The following MAT1A variants were observed in gnomAD, a reference collection of about 807,000 sequenced individuals.
The protein encoded by MAT1A is methionine adenosyltransferase 1A, also known as S-adenosylmethionine synthase isoform type-1.
Under a neutral mutation model 44.0 loss-of-function variants are expected in MAT1A, and 19 were observed. The observed-to-expected ratio is 0.43, with a 90% CI of 0.30 to 0.63. The LOEUF (loss-of-function observed/expected upper bound fraction) is 0.63. Ranked by LOEUF, MAT1A falls within the 30% of genes least tolerant of loss-of-function variation. The pLI is 0.12. For synonymous variants in MAT1A, 205 were observed against 205.6 expected (o/e 1.00, Z 0.03); for missense variants, 397 against 531.0 (o/e 0.75, Z 2.48).
In MAT1A at chr10:80,275,031, T is replaced by C; in HGVS notation, c.937A>G (p.Arg313Gly). The change falls in exon 7 of 9, where the codon AGA (arginine) becomes GGA (glycine). Residue 313 changes from arginine (R) to glycine (G), a missense_variant. Coordinates refer to ENST00000372213, the MANE Select transcript of MAT1A (RefSeq NM_000429.3). ...KSLVKAGLCR[R>G]VLVQVSYAIG... ...AGGGGGCTTACCTGGACAAGCACTC[T>C]CCGGCAGAGCCCTGCTTTCACCAGA... 6.4e-7 allele frequency: 1 copy of C among 1,554,244 alleles called. No homozygotes were observed. The highest frequency in any genetic ancestry group is 1.2e-5 in the South Asian group (1 of 84,338).
At chr10:80,285,635 T>C in intron 1 of MAT1A, 46 bp from the exon 2 acceptor site, 1 of 1,287,192 alleles carries the variant, frequency 7.8e-7, no homozygotes, top group South Asian at 1.2e-5. Context: ...ATATTCGGGA[T>C]AACAAATTGA....
intron 6 of MAT1A, 100 bp downstream of exon 6, chr10:80,276,276 G>C: frequency 4.1e-6 from 5 of 1,216,478 alleles, no homozygotes; most frequent in Middle Eastern, 2.7e-4. Context: ...AGAGTCAGCT[G>C]ACCCCCTCCA....
chr10:80,283,974 G>C lies in MAT1A; in HGVS notation c.234C>G (p.Asp78Glu), dbSNP rs1841606548. Residue 78 changes from aspartate (D) to glutamate (E), a missense_variant, in exon 3 of 9, where the codon GAC becomes GAG. Physicochemically the swap from Asp to Glu is conservative, Grantham distance 45 (BLOSUM62 2). Transcript: ENST00000372213. The part of the protein sequence containing the change: ...CGEITSMAMV[D>E]YQRVVRDTIK... ...TGGTGTCCCTCACCACCCGCTGGTA[G>C]TCCACCATGGCCATTGAGGTGATCT... 1.9e-6 allele frequency: 3 copies of C among 1,614,252 alleles called. No homozygotes were observed. The highest frequency in any genetic ancestry group is 2.5e-6 in the Non-Finnish European group (3 of 1,180,030).
rs541481207 is a variant in MAT1A, at chr10:80,276,922, C to T, written c.550-328G>A. Reference sequence around the variant, plus strand: ...GAGGCTTCCAGGTGCCAGCAAATGTCCCCCTGGCCAAAGCCCTTTCTTGAC... The same window carrying T: ...GAGGCTTCCAGGTGCCAGCAAATGTTCCCCTGGCCAAAGCCCTTTCTTGAC... On this transcript the variant is annotated intron_variant, in intron 5 of 8. Transcript: ENST00000372213. 1.1e-4 allele frequency among the ~76,000 whole-genome samples: 16 copies of T among 152,352 alleles called. No homozygotes were observed. The South Asian group carries it at 2.1e-3, about 20-fold the overall frequency.
Position 80,276,563 on chromosome 10 carries a change from GCGCCAT to G in MAT1A, c.575_580del (p.Asn192_Ala194delinsThr). ...GGTGTGGATGCGCACAGGGATGACTGCGCCATTGTCCTGCATGTACTGAACTGTCAC... is the reference window on the plus strand; with the variant it reads ...GGTGTGGATGCGCACAGGGATGACTGTGTCCTGCATGTACTGAACTGTCAC... On this transcript the variant is annotated inframe_deletion, in exon 6 of 9. Transcript: ENST00000372213. 6.2e-7 allele frequency: 1 copy of G among 1,613,222 alleles called. No individual in the cohort carries two copies. The highest frequency in any genetic ancestry group is 8.5e-7 in the Non-Finnish European group (1 of 1,180,030).
chr10:80,286,359 A>G (rs1841650431), intron 1 of MAT1A, among the ~76,000 whole-genome samples: 1 of 152,178 alleles, frequency 6.6e-6, no homozygotes, highest in Non-Finnish European at 1.5e-5. Flanking sequence ...ACAAGATGCA[A>G]TGCACCGTAT....
At chr10:80,283,769 CT>C in intron 3 of MAT1A, 146 bp downstream of exon 3, 2 of 1,299,202 alleles carry the variant, frequency 1.5e-6, no homozygotes, top group Non-Finnish European at 2.2e-6. Flanking sequence ...TCTTTGACCC[CT>C]GGAACCTGAC....
At chr10:80,287,418 T>C (rs1841662939) in intron 1 of MAT1A, among the ~76,000 whole-genome samples, 1 of 152,138 alleles carries the variant, frequency 6.6e-6, no homozygotes, top group Non-Finnish European at 1.5e-5. Flanking sequence ...AATTCAGCAA[T>C]GGAATGACAA....
chr10:80,280,082 G>T (rs749758332), intron 5 of MAT1A, 91 bp downstream of exon 5: 15 of 1,453,834 alleles, frequency 1.0e-5, no homozygotes, highest in South Asian at 2.3e-5. Context: ...TGAATATTTC[G>T]ATCTTAAAAA....
chr10:80,277,588 T>C (rs1311662865), intron 5 of MAT1A, among the ~76,000 whole-genome samples: 1 of 152,146 alleles, frequency 6.6e-6, no homozygotes, highest in Non-Finnish European at 1.5e-5. Flanking sequence ...GGCTGGAATC[T>C]GGGGTAGGGG....
At position 80,280,793 on chromosome 10, in the gene MAT1A, C is replaced by G; in HGVS notation, c.293-1G>C. 1 of 1,613,206 alleles carries G rather than the reference C, an allele frequency of 6.2e-7. No homozygotes were observed. The highest frequency in any genetic ancestry group is 8.5e-7 in the Non-Finnish European group (1 of 1,179,146). On this transcript the variant is annotated splice_acceptor_variant, in intron 3 of 8. Coordinates refer to ENST00000372213, the MANE Select transcript of MAT1A (RefSeq NM_000429.3). LOFTEE classifies it high-confidence loss of function. ...ACGTTGCAAGTCTTGAAGTCAAAGC[C>G]TAGGCGGAAGCAAAGTGAGCCTAAG...
intron 2 of MAT1A, among the ~76,000 whole-genome samples, chr10:80,285,136 T>A (rs1031996025): frequency 1.3e-5 from 2 of 152,192 alleles, no homozygotes; most frequent in African/African-American, 2.4e-5. Context: ...TATAACCATC[T>A]AGGCAGCTAC....
Position 80,275,083 on chromosome 10 carries a change from T to A in MAT1A, c.885A>T (p.Ala295=), listed in dbSNP as rs17851642. Residue 295 remains alanine (A), a synonymous_variant, in exon 7 of 9, where the codon GCA becomes GCT. Transcript: ENST00000372213. Reference sequence around the variant, plus strand: ...ACTTGGCCACCCAGCGGGCAGCATATGCAGCTGAGCGGTCTACCTTGGTGT... The same window carrying A: ...ACTTGGCCACCCAGCGGGCAGCATAAGCAGCTGAGCGGTCTACCTTGGTGT... ...KDYTKVDRSA[A]YAARWVAKSL... The A allele has an allele frequency of 5.4e-4, 859 of 1,588,454 alleles. 8 individuals are homozygous for A. In the African/African-American group the frequency reaches 0.01, roughly 19 times the overall value.
At chr10:80,288,591 T>C (rs1841679743) in intron 1 of MAT1A, among the ~76,000 whole-genome samples, 1 of 152,188 alleles carries the variant, frequency 6.6e-6, no homozygotes, top group African/African-American at 2.4e-5. Flanking sequence ...TTAGAAGGTC[T>C]TCTATTCTGC....
chr10:80,284,918 C>T (rs1841622371), intron 2 of MAT1A, among the ~76,000 whole-genome samples: 1 of 152,342 alleles, frequency 6.6e-6, no homozygotes, highest in Non-Finnish European at 1.5e-5. Flanking sequence ...GCCAGGGCTT[C>T]AGTACTTTAG....
intron 2 of MAT1A, among the ~76,000 whole-genome samples, chr10:80,284,749 C>G (rs950933447): frequency 6.6e-6 from 1 of 152,202 alleles, no homozygotes; most frequent in East Asian, 1.9e-4. Context: ...ACCTGATCAC[C>G]CTGGGGCCCC....
chr10:80,276,646 G>A (rs747670107), intron 5 of MAT1A, 52 bp from the exon 6 acceptor site: 23 of 1,570,484 alleles, frequency 1.5e-5, no homozygotes, highest in South Asian at 5.5e-5. Flanking sequence ...CTGAGCGAAC[G>A]GCACATCGTG....
chr10:80,276,491 A>C lies in MAT1A; in HGVS notation c.653T>G (p.Met218Arg). The C allele has an allele frequency of 6.2e-7, 1 of 1,614,140 alleles. No individual in the cohort carries two copies. Residue 218 changes from methionine to arginine, a missense_variant, in exon 6 of 9, where the codon ATG becomes AGG. Physicochemically the swap from Met to Arg is moderately conservative, Grantham distance 91. Transcript: ENST00000372213. The stretch of plus-strand genomic sequence containing the variant: ...GACTTGCTCCTTCAGGGCCCTGCGC[A>C]TCTCCTCCAGCGTGATGTCTTCGTT... ...QHNEDITLEE[M>R]RRALKEQVIR...
chr10:80,289,105 G>A (rs1214133300), intron 1 of MAT1A, among the ~76,000 whole-genome samples: 1 of 152,190 alleles, frequency 6.6e-6, no homozygotes, highest in Non-Finnish European at 1.5e-5. Flanking sequence ...GCTAGAAGAG[G>A]GAATTTTGAA....
Sources: allele counts gnomAD v4.1 joint callset (sites outside exome capture counted in the v4.1 genomes callset), GRCh38; gene constraint gnomAD v4.1.1; transcripts MANE v1.5; gene names NCBI Gene and HGNC (gene_info 2026-07-23, HGNC 2026-07-21).